Variants in TMEM106B observed in about 807,000 individuals in gnomAD.
TMEM106B encodes the protein transmembrane protein 106B.
A neutral mutation model predicts 31.1 loss-of-function variants in TMEM106B; 15 were observed. That is an observed-to-expected ratio of 0.48 (90% CI 0.32 to 0.74). The LOEUF (loss-of-function observed/expected upper bound fraction) is 0.74, where lower values mean the gene tolerates loss of function less well. Among genes scored for constraint, TMEM106B ranks in the 30% least tolerant of loss-of-function variants. The probability of loss-of-function intolerance (pLI) is 0.03; values close to 1 mark genes in which losing one functional copy is unlikely to be tolerated. For missense variants in TMEM106B, 283 were observed against 327.3 expected (o/e 0.86, Z 1.04); for synonymous variants, 126 against 112.5 (o/e 1.12, Z -0.76).
chr7:12,231,654 A>C (rs1782025672), intron 7 of TMEM106B, 183 bp from the exon 8 acceptor site: 1 of 480,518 alleles, frequency 2.1e-6, no homozygotes, highest in Admixed American at 3.4e-5. Context: ...GGGCTCACTC[A>C]GCTATCCATT....
At chr7:12,222,992 T>C (rs755326468) in intron 3 of TMEM106B, among the ~76,000 whole-genome samples, 87 of 152,042 alleles carry the variant, frequency 5.7e-4, no homozygotes, top group Non-Finnish European at 6.5e-4. Context: ...TATAAGTAGA[T>C]TGTAAGGAAA....
rs559998375 is a variant in TMEM106B at position 12,214,137 on chromosome 7, C to G, written c.-2-672C>G. On this transcript the variant is annotated intron_variant, in intron 1 of 7. Transcript: ENST00000396668. The stretch of plus-strand genomic sequence containing the variant: ...CCCAAAATATATTTCTTTGAAATGG[C>G]CTTGCAAAGCTGTCTCTCGTGGGGA... 2.0e-5 allele frequency: 3 copies of G among 152,288 alleles called. No individual in the cohort carries two copies. The South Asian group carries it at 6.2e-4, about 32-fold the overall frequency. 9.4% of individuals were successfully genotyped at this position (152,288 alleles called of 1,614,324 possible). A position where few individuals can be genotyped will look rare whatever the true frequency, so the allele number is the denominator to read the frequency against.
intron 4 of TMEM106B, among the ~76,000 whole-genome samples, chr7:12,225,637 T>C (rs1235436628): frequency 2.6e-5 from 4 of 152,222 alleles, no homozygotes; most frequent in Non-Finnish European, 5.9e-5. Flanking sequence ...TGAGCATTTT[T>C]TCATGTGTCT....
intron 4 of TMEM106B, 104 bp downstream of exon 4, chr7:12,224,489 G>A: frequency 1.1e-6 from 1 of 900,782 alleles, no homozygotes; most frequent in Middle Eastern, 3.1e-4. Flanking sequence ...TGTGACACTG[G>A]TCAGTGTGCT....
rs1782157403 is a variant in TMEM106B at position 12,237,297 on chromosome 7, A to T, written c.*5322A>T. 1.3e-5 allele frequency: 2 copies of T among 152,166 alleles called. No homozygotes were observed. The highest frequency in any genetic ancestry group is 1.3e-4 in the Admixed American group (2 of 15,264). The allele number at this position is 152,166 out of a possible 1,614,324, so 9.4% of individuals were successfully genotyped here. A position where few individuals can be genotyped will look rare whatever the true frequency, so the allele number is the denominator to read the frequency against. ...TATGCTTTTGAAATTTCCTTAACAT[A>T]AACAAATCAGTGTAGATATTCAAAA... is the stretch of plus-strand genomic sequence containing the variant. On this transcript the variant is annotated 3_prime_UTR_variant, in exon 8 of 8. Transcript: ENST00000396668.
Position 12,215,035 on chromosome 7 carries a change from T to C in TMEM106B, c.217+8T>C, listed in dbSNP as rs370909139. ...CAGGAAGAATTCCTAGGGGTATGTGTTATTGTATTGTTTTCCCTTTAAATG... is the reference window on the plus strand; with the variant it reads ...CAGGAAGAATTCCTAGGGGTATGTGCTATTGTATTGTTTTCCCTTTAAATG... On this transcript the variant is annotated splice_region_variant and intron_variant, in intron 2 of 7. Coordinates refer to ENST00000396668, the MANE Select transcript of TMEM106B (RefSeq NM_001134232.2). 14 of 1,606,852 alleles carry C rather than the reference T, an allele frequency of 8.7e-6. No individual in the cohort carries two copies. The East Asian group carries it at 1.3e-4, about 15-fold the overall frequency.
chr7:12,231,468 A>G (rs962211279), intron 7 of TMEM106B: 1 of 248,222 alleles, frequency 4.0e-6, no homozygotes, highest in Admixed American at 5.2e-5. Context: ...ATCTAAGCCA[A>G]TAAAACATTG....
intron 3 of TMEM106B, among the ~76,000 whole-genome samples, chr7:12,219,385 C>T (rs537825369): frequency 1.3e-5 from 2 of 152,186 alleles, no homozygotes; most frequent in African/African-American, 4.8e-5. Flanking sequence ...CATATTCCAT[C>T]ACCGCAAATG....
Position 12,229,830 on chromosome 7 carries a change from A to C in TMEM106B, c.582+11A>C. 2 of 1,595,246 alleles carry C rather than the reference A, an allele frequency of 1.3e-6. No individual in the cohort carries two copies. Among genetic ancestry groups the C allele is most frequent in the Non-Finnish European group, 1.7e-6 (2 of 1,172,396 alleles). ...CTTGATATGAAACAAGTAAGAATCA[A>C]TCATGAAATACTTTGTAAGAGTTAA... On this transcript the variant is annotated intron_variant, in intron 5 of 7. Transcript: ENST00000396668.
chr7:12,232,112 T>C lies in TMEM106B; in HGVS notation c.*137T>C. 1 of 703,306 alleles carries C rather than the reference T, an allele frequency of 1.4e-6. No homozygotes were observed. Among genetic ancestry groups the C allele is most frequent in the South Asian group, 2.8e-5 (1 of 35,608 alleles). 43.6% of individuals were successfully genotyped at this position (703,306 alleles called of 1,614,324 possible). ...ACTTCTAAGAGTACAGTTAAAAGTA[T>C]GTGGACCTGCAGTTCTTGTAACTCT... On this transcript the variant is annotated 3_prime_UTR_variant, in exon 8 of 8. Coordinates refer to ENST00000396668, the MANE Select transcript of TMEM106B (RefSeq NM_001134232.2).
At chr7:12,225,839 A>G (rs143477885) in intron 4 of TMEM106B, among the ~76,000 whole-genome samples, 19,475 of 152,058 alleles carry the variant, frequency 0.13, 1,403 homozygotes, top group African/African-American at 0.2. Flanking sequence ...TTCTTTTGCT[A>G]TGCAGAAGCT....
Position 12,241,662 on chromosome 7 carries a change from T to C in TMEM106B, c.*9687T>C, listed in dbSNP as rs1028169465. On this transcript the variant is annotated 3_prime_UTR_variant, in exon 8 of 8. Transcript: ENST00000396668. The stretch of plus-strand genomic sequence containing the variant: ...TATCCAGTCTATCATTGATGGACAT[T>C]TGGGTTGGTTCCAAGTCTTTACTAT... 6.6e-6 allele frequency: 1 copy of C among 152,230 alleles called. No individual in the cohort carries two copies. Among genetic ancestry groups the C allele is most frequent in the Non-Finnish European group, 1.5e-5 (1 of 68,056 alleles). 9.4% of individuals were successfully genotyped at this position (152,230 alleles called of 1,614,324 possible).
intron 6 of TMEM106B, chr7:12,230,786 A>T: frequency 3.0e-6 from 1 of 338,874 alleles, no homozygotes; most frequent in East Asian, 5.2e-5. Context: ...GGTAAATAAC[A>T]ACCTAGTTAT....
Position 12,229,772 on chromosome 7 carries a change from G to A in TMEM106B, c.535G>A (p.Ala179Thr), listed in dbSNP as rs1303264243. The change falls in exon 5 of 8, where the codon GCA becomes ACA. Residue 179 changes from alanine to threonine, a missense_variant. Around this residue, in one of 3 missense-constraint regions of TMEM106B, gnomAD observed 201 missense variants for 211.5 expected, o/e 0.95. Coordinates refer to ENST00000396668, the MANE Select transcript of TMEM106B (RefSeq NM_001134232.2). ...VQFSKTVIGK[A>T]RLNNITIIGP... ...ATTTTCAAAAACAGTTATTGGAAAG[G>A]CACGCTTAAACAACATAACCATTAT... 2 of 1,612,492 alleles carry A rather than the reference G, an allele frequency of 1.2e-6. No homozygotes were observed. The highest frequency in any genetic ancestry group is 1.7e-6 in the Non-Finnish European group (2 of 1,179,416).
chr7:12,223,722 CTTTT>C (rs34413750), intron 3 of TMEM106B, among the ~76,000 whole-genome samples: 1 of 135,694 alleles, frequency 7.4e-6, no homozygotes, highest in Non-Finnish European at 1.6e-5. Flanking sequence ...AATGTGATTC[CTTTT>C]TTTTTTTTTT....
chr7:12,235,587 C>T lies in TMEM106B; in HGVS notation c.*3612C>T, dbSNP rs1266102449. The T allele has an allele frequency of 2.6e-5, 4 of 151,696 alleles. No homozygotes were observed. The highest frequency in any genetic ancestry group is 5.9e-5 in the Non-Finnish European group (4 of 67,776). 9.4% of individuals were successfully genotyped at this position (151,696 alleles called of 1,614,324 possible). A position where few individuals can be genotyped will look rare whatever the true frequency, so the allele number is the denominator to read the frequency against. ...GACTTGAAACTTCAGCCTAATAAATCCTTCATGGTTCTTAGCCTTATTATT... is the reference window on the plus strand; with the variant it reads ...GACTTGAAACTTCAGCCTAATAAATTCTTCATGGTTCTTAGCCTTATTATT... On this transcript the variant is annotated 3_prime_UTR_variant, in exon 8 of 8. Transcript: ENST00000396668.
intron 4 of TMEM106B, among the ~76,000 whole-genome samples, chr7:12,226,945 T>G (rs1178399942): frequency 6.6e-6 from 1 of 152,142 alleles, no homozygotes. Flanking sequence ...GCCAGACTTT[T>G]TTTGGCCTAC....
chr7:12,232,005 A>C lies in TMEM106B; in HGVS notation c.*30A>C. 1 of 1,597,970 alleles carries C rather than the reference A, an allele frequency of 6.3e-7. No homozygotes were observed. Among genetic ancestry groups the C allele is most frequent in the Non-Finnish European group, 8.6e-7 (1 of 1,168,642 alleles). ...TGGAAGAGATGGATTTAAAGAAGAA[A>C]TATCTATTGATATTTCCTATACTCT... On this transcript the variant is annotated 3_prime_UTR_variant, in exon 8 of 8. Transcript: ENST00000396668.
Position 12,236,012 on chromosome 7 carries a change from T to G in TMEM106B, c.*4037T>G, listed in dbSNP as rs1301469186. ...TATCTTAGACTATTTTAGGGAAAAA[T>G]TTTACATGTTTGAGATGGTGGAGTA... On this transcript the variant is annotated 3_prime_UTR_variant, in exon 8 of 8. Coordinates refer to ENST00000396668, the MANE Select transcript of TMEM106B (RefSeq NM_001134232.2). 1 of 150,040 alleles carries G rather than the reference T, an allele frequency of 6.7e-6. No individual in the cohort carries two copies. The highest frequency in any genetic ancestry group is 1.5e-5 in the Non-Finnish European group (1 of 67,448). The allele number at this position is 150,040 out of a possible 1,614,324, so 9.3% of individuals were successfully genotyped here.
Sources: allele counts gnomAD v4.1 joint callset (sites outside exome capture counted in the v4.1 genomes callset), GRCh38; gene constraint gnomAD v4.1.1; regional missense constraint gnomAD v4.1.1; transcripts MANE v1.5; gene names NCBI Gene and HGNC (gene_info 2026-07-23, HGNC 2026-07-21).